MICU3: variants seen among roughly 807,000 people sequenced by gnomAD.
The protein encoded by MICU3 is calcium uptake protein 3, mitochondrial.
A neutral mutation model predicts 66.5 loss-of-function variants in MICU3; 62 were observed. That is an observed-to-expected ratio of 0.93 (90% CI 0.76 to 1.15). MICU3 has a LOEUF of 1.15. Among genes scored for constraint, MICU3 ranks in the 50% most tolerant of loss-of-function variants. MICU3 has a pLI of 0.00. For synonymous variants in MICU3, 308 were observed against 240.7 expected (o/e 1.28, Z -2.59); for missense variants, 779 against 664.4 (o/e 1.17, Z -1.90).
chr8:17,042,745 T>A (rs373767657), intron 1 of MICU3, among the ~76,000 whole-genome samples: 1 of 152,106 alleles, frequency 6.6e-6, no homozygotes, highest in Admixed American at 6.5e-5. Flanking sequence ...AAAACTCCAT[T>A]TCTAGAATTT....
intron 12 of MICU3, among the ~76,000 whole-genome samples, chr8:17,115,036 G>T (rs542432933): frequency 6.7e-6 from 1 of 149,928 alleles, no homozygotes; most frequent in Non-Finnish European, 1.5e-5. Flanking sequence ...GGAGAATGGC[G>T]TGAACCCGGG....
At chr8:17,111,904 G>A (rs1165214264) in intron 11 of MICU3, among the ~76,000 whole-genome samples, 1 of 152,160 alleles carries the variant, frequency 6.6e-6, no homozygotes, top group African/African-American at 2.4e-5. Context: ...GGCTGGGGAG[G>A]CCTGAGAAAA....
At chr8:17,039,349 G>T (rs1414840517) in intron 1 of MICU3, among the ~76,000 whole-genome samples, 1 of 152,142 alleles carries the variant, frequency 6.6e-6, no homozygotes, top group Admixed American at 6.5e-5. Flanking sequence ...AAAAGTCCCA[G>T]TTTTTTATAG....
At chr8:17,040,962 G>C (rs1161291828) in intron 1 of MICU3, among the ~76,000 whole-genome samples, 1 of 152,162 alleles carries the variant, frequency 6.6e-6, no homozygotes, top group African/African-American at 2.4e-5. Context: ...GAAAAAACAG[G>C]TTGGGAATAA....
chr8:17,123,192 T>G (rs1290493508), downstream of MICU3, among the ~76,000 whole-genome samples: 1 of 152,102 alleles, frequency 6.6e-6, no homozygotes, highest in East Asian at 1.9e-4. Context: ...ATGGTACACC[T>G]TGCAATGTTG....
chr8:17,062,878 A>G (rs1464364305), intron 1 of MICU3, among the ~76,000 whole-genome samples: 6 of 138,890 alleles, frequency 4.3e-5, no homozygotes, highest in African/African-American at 1.6e-4. Context: ...GACTCTGTCT[A>G]AAAAAAAAAA....
intron 1 of MICU3, among the ~76,000 whole-genome samples, chr8:17,032,077 G>A (rs1812171875): frequency 6.6e-6 from 1 of 152,180 alleles, no homozygotes; most frequent in African/African-American, 2.4e-5. Flanking sequence ...CTAAATATTT[G>A]TATGGAACAT....
chr8:17,125,515 T>A (rs1803383249), downstream of MICU3, among the ~76,000 whole-genome samples: 1 of 152,166 alleles, frequency 6.6e-6, no homozygotes, highest in Admixed American at 6.5e-5. Flanking sequence ...TTTTGACTGA[T>A]GGATTTTATT....
chr8:17,093,805 G>T (rs28437270), intron 8 of MICU3, among the ~76,000 whole-genome samples: 1 of 151,500 alleles, frequency 6.6e-6, no homozygotes, highest in Non-Finnish European at 1.5e-5. Flanking sequence ...TTAATGTTTT[G>T]TACTACTTAC....
intron 1 of MICU3, among the ~76,000 whole-genome samples, chr8:17,062,741 T>C (rs1008151976): frequency 9.9e-5 from 15 of 152,256 alleles, no homozygotes; most frequent in African/African-American, 3.6e-4. Flanking sequence ...AAAAGTCTTC[T>C]TTGACTAATC....
intron 6 of MICU3, 150 bp downstream of exon 6, chr8:17,085,468 C>T: frequency 2.0e-6 from 1 of 499,012 alleles, no homozygotes. Flanking sequence ...TACTCAGGTA[C>T]TTTGAACAAT....
At chr8:17,092,861 G>T (rs1276113001) in intron 8 of MICU3, among the ~76,000 whole-genome samples, 1 of 152,002 alleles carries the variant, frequency 6.6e-6, no homozygotes, top group Non-Finnish European at 1.5e-5. Context: ...TAACTCAAGT[G>T]TCTAATCTGA....
chr8:17,102,560 T>G (rs1173352152), intron 9 of MICU3: 1 of 151,998 alleles, frequency 6.6e-6, no homozygotes, highest in Non-Finnish European at 1.5e-5. Context: ...AATTTTGTTC[T>G]ATTAGAGCAG....
intron 10 of MICU3, among the ~76,000 whole-genome samples, chr8:17,104,811 C>T (rs1261582097): frequency 4.6e-5 from 2 of 43,388 alleles, no homozygotes; most frequent in African/African-American, 3.8e-4. Context: ...CTGGCTAACA[C>T]GGTGAAACCC....
chr8:17,095,562 C>T (rs1408740905), intron 8 of MICU3, among the ~76,000 whole-genome samples: 1 of 151,822 alleles, frequency 6.6e-6, no homozygotes, highest in African/African-American at 2.4e-5. Flanking sequence ...TTATTTTTCC[C>T]CTAGTTTGTT....
At chr8:17,076,550 G>A (rs1820415587) in intron 3 of MICU3, among the ~76,000 whole-genome samples, 1 of 152,104 alleles carries the variant, frequency 6.6e-6, no homozygotes. Flanking sequence ...CCACATATGG[G>A]CTTCAAGGTG....
At position 17,098,472 on chromosome 8, in the gene MICU3, T is replaced by C. The variant is rs1800961407; in HGVS notation, c.903T>C (p.Asp301=). 1.2e-6 allele frequency: 2 copies of C among 1,609,432 alleles called. No homozygotes were observed. The highest frequency in any genetic ancestry group is 1.3e-5 in the African/African-American group (1 of 74,686). Residue 301 remains aspartate, a synonymous_variant, in exon 9 of 15, where the codon GAT becomes GAC. Coordinates refer to ENST00000318063, the MANE Select transcript of MICU3 (RefSeq NM_181723.3). ...AACTTCTACAGGTACTTAAAACAGA[T>C]GCTGAGGAACTTGTCTCCAGAAGCT... is the stretch of plus-strand genomic sequence containing the variant. The part of the protein sequence containing the change: ...HSPTNSVLKT[D]AEELVSRSYW...
chr8:17,056,311 G>T (rs949838688), intron 1 of MICU3, among the ~76,000 whole-genome samples: 1 of 152,090 alleles, frequency 6.6e-6, no homozygotes, highest in Non-Finnish European at 1.5e-5. Flanking sequence ...CTCTATTCCT[G>T]GCTGAGGTTC....
At chr8:17,126,195 C>A (rs943854999), downstream of MICU3, among the ~76,000 whole-genome samples, 1 of 152,020 alleles carries the variant, frequency 6.6e-6, no homozygotes, top group Non-Finnish European at 1.5e-5. Flanking sequence ...ATAGTACAAC[C>A]TTGAGAGGTA....
Sources: allele counts gnomAD v4.1 joint callset (sites outside exome capture counted in the v4.1 genomes callset), GRCh38; gene constraint gnomAD v4.1.1; transcripts MANE v1.5; gene names NCBI Gene and HGNC (gene_info 2026-07-23, HGNC 2026-07-21).